The following SPATA16 variants were observed in gnomAD, a reference collection of about 807,000 sequenced individuals.
SPATA16 encodes spermatogenesis associated 16, also known as spermatogenesis-associated protein 16.
A neutral mutation model predicts 63.3 loss-of-function variants in SPATA16; 36 were observed. That is an observed-to-expected ratio of 0.57 (90% CI 0.44 to 0.75). The LOEUF is 0.75. Ranked by LOEUF, SPATA16 falls within the 30% of genes least tolerant of loss-of-function variation. The pLI is 0.00. For synonymous variants in SPATA16, 203 were observed against 216.7 expected (o/e 0.94, Z 0.56); for missense variants, 646 against 679.3 (o/e 0.95, Z 0.54).
intron 10 of SPATA16, among the ~76,000 whole-genome samples, chr3:172,896,314 G>A (rs1010398986): frequency 6.6e-6 from 1 of 152,146 alleles, no homozygotes; most frequent in Non-Finnish European, 1.5e-5. Flanking sequence ...TCCGCCTCCC[G>A]GGTTCACGCC....
chr3:173,015,005 T>G (rs1432354454), intron 4 of SPATA16, among the ~76,000 whole-genome samples: 1 of 152,186 alleles, frequency 6.6e-6, no homozygotes, highest in Non-Finnish European at 1.5e-5. Context: ...CCTGTTTTTG[T>G]ATCCCTTATC....
chr3:173,097,203 A>G (rs1409413728), intron 2 of SPATA16, among the ~76,000 whole-genome samples: 1 of 152,112 alleles, frequency 6.6e-6, no homozygotes, highest in Non-Finnish European at 1.5e-5. Flanking sequence ...GTCACTTAGT[A>G]GCCTTCTTGC....
intron 3 of SPATA16, among the ~76,000 whole-genome samples, chr3:173,035,441 G>A (rs1409728738): frequency 6.6e-6 from 1 of 152,088 alleles, no homozygotes; most frequent in African/African-American, 2.4e-5. Flanking sequence ...AAATGACTTG[G>A]TGATAGAGGA....
chr3:173,041,477 A>G (rs1002487816), intron 3 of SPATA16, among the ~76,000 whole-genome samples: 2 of 152,144 alleles, frequency 1.3e-5, no homozygotes, highest in East Asian at 1.9e-4. Flanking sequence ...ACAACCACCC[A>G]TATGTTTTCC....
chr3:172,903,538 T>A (rs1363956964), intron 10 of SPATA16, among the ~76,000 whole-genome samples: 1 of 152,192 alleles, frequency 6.6e-6, no homozygotes, highest in Non-Finnish European at 1.5e-5. Context: ...AATATATGCT[T>A]ATAAAATTGT....
chr3:172,978,082 A>G (rs1488596558), intron 4 of SPATA16, among the ~76,000 whole-genome samples: 7 of 151,948 alleles, frequency 4.6e-5, no homozygotes, highest in Non-Finnish European at 7.4e-5. Flanking sequence ...TAAAAAATCA[A>G]TGGTGGAAAC....
At chr3:172,929,021 A>G (rs1732804134) in intron 6 of SPATA16, among the ~76,000 whole-genome samples, 1 of 152,168 alleles carries the variant, frequency 6.6e-6, no homozygotes, top group Admixed American at 6.5e-5. Flanking sequence ...ATAAACCTCT[A>G]CCTGTGTCCG....
intron 1 of SPATA16, among the ~76,000 whole-genome samples, chr3:173,120,087 CAA>C (rs530094750): frequency 0.096 from 11,752 of 122,578 alleles, 1,560 homozygotes; most frequent in African/African-American, 0.31. Context: ...AACTCCATCT[CAA>C]AAAAAAAAAA....
In SPATA16 at chr3:172,956,751, C is replaced by T; in HGVS notation, c.1007G>A (p.Arg336Lys). 6.2e-7 allele frequency: 1 copy of T among 1,613,260 alleles called. No individual in the cohort carries two copies. The highest frequency in any genetic ancestry group is 8.5e-7 in the Non-Finnish European group (1 of 1,179,530). Residue 336 changes from arginine to lysine, a missense_variant, in exon 6 of 11, where the codon AGA (arginine) becomes AAA (lysine). Transcript: ENST00000351008. ...TTTTACTTTTTCTATTTTATCAGCTCTTATTTTTGTCGCAAATGGTGTGTA... is the reference window on the plus strand; with the variant it reads ...TTTTACTTTTTCTATTTTATCAGCTTTTATTTTTGTCGCAAATGGTGTGTA... ...VMYTPFATKI[R>K]ADKIEKVKDA... is the part of the protein sequence containing the mutation.
rs370242359 is a variant in SPATA16 at position 172,986,235 on chromosome 3, A to G, written c.849-9183T>C. Reference sequence around the variant, plus strand: ...TTGATTGGCTGCTGTTACAAATAGTAATAGTAGTATTACTGTTGTTGTTTG... The same window carrying G: ...TTGATTGGCTGCTGTTACAAATAGTGATAGTAGTATTACTGTTGTTGTTTG... On this transcript the variant is annotated intron_variant, in intron 4 of 10. Coordinates refer to ENST00000351008, the MANE Select transcript of SPATA16 (RefSeq NM_031955.6). 1.1e-3 allele frequency among the ~76,000 whole-genome samples: 172 copies of G among 152,294 alleles called. 1 individual carries two copies. Among genetic ancestry groups the G allele is most frequent in the African/African-American group, 4.0e-3 (168 of 41,570 alleles).
At chr3:172,893,395 G>C (rs1731933944) in intron 10 of SPATA16, among the ~76,000 whole-genome samples, 1 of 152,166 alleles carries the variant, frequency 6.6e-6, no homozygotes, top group Admixed American at 6.5e-5. Context: ...GATAAAGAAT[G>C]CCAGCAAATC....
chr3:172,955,835 C>T (rs1733579925), intron 6 of SPATA16, among the ~76,000 whole-genome samples: 1 of 152,116 alleles, frequency 6.6e-6, no homozygotes, highest in Admixed American at 6.6e-5. Context: ...AAGCACCTTA[C>T]CTCATTGATT....
At chr3:173,139,531 ATATG>A (rs1160004359) in intron 1 of SPATA16, among the ~76,000 whole-genome samples, 1 of 152,224 alleles carries the variant, frequency 6.6e-6, no homozygotes, top group Non-Finnish European at 1.5e-5. Flanking sequence ...ACCCTTGAGC[ATATG>A]GTGTTTGCAC....
chr3:173,125,850 G>C (rs1738212958), intron 1 of SPATA16, among the ~76,000 whole-genome samples: 1 of 152,174 alleles, frequency 6.6e-6, no homozygotes, highest in Non-Finnish European at 1.5e-5. Context: ...TCAAAACACA[G>C]TAAATATTTG....
intron 3 of SPATA16, among the ~76,000 whole-genome samples, chr3:173,046,656 T>C (rs1053565406): frequency 6.6e-6 from 1 of 152,034 alleles, no homozygotes; most frequent in Non-Finnish European, 1.5e-5. Context: ...GTGATAATAA[T>C]ACAAAAGCAG....
intron 3 of SPATA16, 64 bp downstream of exon 3, chr3:173,048,885 C>T: frequency 6.3e-7 from 1 of 1,580,424 alleles, no homozygotes; most frequent in Non-Finnish European, 8.7e-7. Flanking sequence ...ATCAGGCAAG[C>T]TCAGATAGTA....
chr3:173,099,794 C>A (rs1205018769), intron 2 of SPATA16, among the ~76,000 whole-genome samples: 1 of 152,196 alleles, frequency 6.6e-6, no homozygotes, highest in Non-Finnish European at 1.5e-5. Flanking sequence ...TCCCACTGTG[C>A]TTTTTCCTGT....
rs557100875 is a variant in SPATA16 at position 172,979,213 on chromosome 3, G to A, written c.849-2161C>T. On this transcript the variant is annotated intron_variant, in intron 4 of 10. Coordinates refer to ENST00000351008, the MANE Select transcript of SPATA16 (RefSeq NM_031955.6). The stretch of plus-strand genomic sequence containing the variant: ...GATCGCGCCACTGCACTCCAGCCTG[G>A]GCAACAGAGCAAGACTCTGTCTCAA... 5.9e-5 allele frequency among the ~76,000 whole-genome samples: 9 copies of A among 152,042 alleles called. No homozygotes were observed. In the South Asian group the frequency reaches 1.7e-3, roughly 28 times the overall value.
At chr3:172,989,864 TCTTGTGCTTG>T (rs763402703) in intron 4 of SPATA16, among the ~76,000 whole-genome samples, 1 of 152,218 alleles carries the variant, frequency 6.6e-6, no homozygotes, top group Non-Finnish European at 1.5e-5. Context: ...TAAAATTTTT[TCTTGTGCTTG>T]CAAAACTTAT....
Sources: allele counts gnomAD v4.1 joint callset (sites outside exome capture counted in the v4.1 genomes callset), GRCh38; gene constraint gnomAD v4.1.1; transcripts MANE v1.5; gene names NCBI Gene and HGNC (gene_info 2026-07-23, HGNC 2026-07-21).